Variants in SRBD1 observed in about 807,000 individuals in gnomAD.
The protein encoded by SRBD1 is S1 RNA-binding domain-containing protein 1.
SRBD1 carries 88 observed loss-of-function variants against 115.3 expected under a neutral mutation model. The observed-to-expected ratio is 0.76, with a 90% CI of 0.64 to 0.91. The LOEUF (loss-of-function observed/expected upper bound fraction) is 0.91, where lower values mean the gene tolerates loss of function less well. Ranked by LOEUF, SRBD1 falls within the 40% of genes least tolerant of loss-of-function variation. The pLI is 0.00. For missense variants in SRBD1, 1,385 were observed against 1,177.4 expected (o/e 1.18, Z -2.58); for synonymous variants, 509 against 407.7 (o/e 1.25, Z -2.99).
At chr2:45,522,175 C>A (rs1159411346) in intron 14 of SRBD1, among the ~76,000 whole-genome samples, 7 of 151,862 alleles carry the variant, frequency 4.6e-5, no homozygotes, top group African/African-American at 1.7e-4. Flanking sequence ...TAAAAAAATG[C>A]TCCAAAATCT....
Position 45,418,366 on chromosome 2 carries a change from T to G in SRBD1, c.2332A>C (p.Ser778Arg). The G allele has an allele frequency of 6.2e-7, 1 of 1,613,466 alleles. No individual in the cohort carries two copies. Among genetic ancestry groups the G allele is most frequent in the Non-Finnish European group, 8.5e-7 (1 of 1,179,714 alleles). ...ATCAAAGTGTATACTTATACTCACC[T>G]GCAAAACGTTCGGATATAATCCTGG... is the stretch of plus-strand genomic sequence containing the variant. ...INQDYIRTFCSQQTETSGQIQ... is the reference protein window; with the variant it reads ...INQDYIRTFCRQQTETSGQIQ... The change falls in exon 18 of 21, where the codon AGT (serine) becomes CGT (arginine). Residue 778 changes from serine to arginine, a missense_variant and splice_region_variant. Physicochemically the swap from Ser to Arg is moderately radical, Grantham distance 110 (BLOSUM62 -1). Transcript: ENST00000263736.
intron 16 of SRBD1, among the ~76,000 whole-genome samples, chr2:45,458,032 ATTAAT>A (rs1456242976): frequency 6.6e-6 from 1 of 152,090 alleles, no homozygotes; most frequent in Non-Finnish European, 1.5e-5. Context: ...TAAAATAAAA[ATTAAT>A]TTATGTAATG....
intron 12 of SRBD1, among the ~76,000 whole-genome samples, 195 bp downstream of exon 12, chr2:45,550,930 G>T (rs1314748958): frequency 1.3e-5 from 2 of 152,288 alleles, no homozygotes; most frequent in South Asian, 4.1e-4. Context: ...AATGATAGTT[G>T]TATATTGAGG....
intron 15 of SRBD1, among the ~76,000 whole-genome samples, chr2:45,485,376 T>C (rs1670086587): frequency 6.6e-6 from 1 of 152,242 alleles, no homozygotes; most frequent in Non-Finnish European, 1.5e-5. Context: ...GTTGTTGCTA[T>C]CTCCTTTCCC....
chr2:45,497,661 T>G (rs1344558266), intron 14 of SRBD1, among the ~76,000 whole-genome samples: 4 of 152,158 alleles, frequency 2.6e-5, no homozygotes, highest in Non-Finnish European at 4.4e-5. Flanking sequence ...AATTCACCCA[T>G]GTTAAGTGAA....
At chr2:45,550,315 T>A (rs1672256406) in intron 12 of SRBD1, among the ~76,000 whole-genome samples, 1 of 151,994 alleles carries the variant, frequency 6.6e-6, no homozygotes, top group Admixed American at 6.5e-5. Flanking sequence ...GTGGAATTCA[T>A]GCAGAAAAGA....
chr2:45,581,101 A>C (rs1450619617), intron 6 of SRBD1, among the ~76,000 whole-genome samples: 1 of 152,108 alleles, frequency 6.6e-6, no homozygotes, highest in Non-Finnish European at 1.5e-5. Context: ...ATTACCAAAT[A>C]TATATATTTT....
In SRBD1 at chr2:45,532,659, G is replaced by A. The variant is rs76509226; in HGVS notation, c.1874+14073C>T. Among the ~76,000 whole-genome samples the A allele has an allele frequency of 1.5e-4, 23 of 151,800 alleles. No homozygotes were observed. In the East Asian group the frequency reaches 2.5e-3, roughly 17 times the overall value. ...CTTCAAAATGCAAGTGCTATGAAGC[G>A]GAAAAGTAATGGGAATTAAACTGGG... On this transcript the variant is annotated intron_variant, in intron 14 of 20. Transcript: ENST00000263736.
intron 16 of SRBD1, among the ~76,000 whole-genome samples, chr2:45,426,021 G>A (rs573546819): frequency 7.2e-4 from 110 of 152,206 alleles, no homozygotes; most frequent in African/African-American, 2.6e-3. Flanking sequence ...TCCTGGAAAG[G>A]GGGCTGGAGC....
In SRBD1 at chr2:45,436,198, TCTAA is replaced by T. The variant is rs746817279; in HGVS notation, c.2050-16308_2050-16305del. Among the ~76,000 whole-genome samples the T allele has an allele frequency of 9.3e-5, 14 of 151,298 alleles. 1 individual carries two copies. The highest frequency in any genetic ancestry group is 1.5e-4 in the Non-Finnish European group (10 of 67,822). ...GCTGCAGAAAAAGCACTTGACAAAATCTAACTAACACTCATTCATGATAAAAATT... is the reference window on the plus strand; with the variant it reads ...GCTGCAGAAAAAGCACTTGACAAAATCTAACACTCATTCATGATAAAAATT... On this transcript the variant is annotated intron_variant, in intron 16 of 20. Transcript: ENST00000263736.
intron 14 of SRBD1, among the ~76,000 whole-genome samples, chr2:45,514,384 T>C (rs1334036003): frequency 2.6e-5 from 4 of 152,048 alleles, no homozygotes; most frequent in Admixed American, 1.3e-4. Flanking sequence ...AATGCAAATA[T>C]AGTTTCACAA....
intron 14 of SRBD1, among the ~76,000 whole-genome samples, chr2:45,529,514 A>G (rs1044135933): frequency 6.6e-6 from 1 of 151,944 alleles, no homozygotes; most frequent in Non-Finnish European, 1.5e-5. Context: ...GGGGTCCCTA[A>G]CACCCTTCCA....
intron 16 of SRBD1, among the ~76,000 whole-genome samples, chr2:45,430,121 C>T (rs910851041): frequency 2.0e-5 from 3 of 151,972 alleles, no homozygotes; most frequent in Non-Finnish European, 4.4e-5. Flanking sequence ...CAAACCACTG[C>T]GCAAGGAAAA....
intron 14 of SRBD1, among the ~76,000 whole-genome samples, chr2:45,498,710 CT>C (rs1397459730): frequency 1.3e-5 from 2 of 152,130 alleles, no homozygotes; most frequent in Non-Finnish European, 2.9e-5. Flanking sequence ...ATGAGGTCAA[CT>C]TTTTTGTCTC....
chr2:45,558,119 G>C (rs1003910613), intron 10 of SRBD1, among the ~76,000 whole-genome samples: 1 of 152,054 alleles, frequency 6.6e-6, no homozygotes, highest in South Asian at 2.1e-4. Flanking sequence ...ATTTTAGGGA[G>C]AATAAAAATT....
intron 16 of SRBD1, among the ~76,000 whole-genome samples, chr2:45,429,116 A>C (rs1668253143): frequency 6.6e-6 from 1 of 152,198 alleles, no homozygotes; most frequent in Non-Finnish European, 1.5e-5. Flanking sequence ...GAATCCCTGA[A>C]TAGACCAATA....
intron 4 of SRBD1, among the ~76,000 whole-genome samples, chr2:45,587,311 AGAT>A (rs1673579942): frequency 1.3e-5 from 2 of 148,780 alleles, no homozygotes; most frequent in South Asian, 2.1e-4. Flanking sequence ...TAATATTAAA[AGAT>A]GATTAATTAT....
intron 5 of SRBD1, among the ~76,000 whole-genome samples, chr2:45,582,314 G>T (rs1673389957): frequency 6.6e-6 from 1 of 152,132 alleles, no homozygotes; most frequent in South Asian, 2.1e-4. Flanking sequence ...AATACCGATG[G>T]AGCATCTTTG....
At position 45,468,137 on chromosome 2, in the gene SRBD1, A is replaced by G. The variant is rs550154685; in HGVS notation, c.2049+8856T>C. On this transcript the variant is annotated intron_variant, in intron 16 of 20. Coordinates refer to ENST00000263736, the MANE Select transcript of SRBD1 (RefSeq NM_018079.5). Reference sequence around the variant, plus strand: ...ATAATCTTACTATATATAGGTATTCATAAATCCTATATATTTCATATTTTT... The same window carrying G: ...ATAATCTTACTATATATAGGTATTCGTAAATCCTATATATTTCATATTTTT... Among the ~76,000 whole-genome samples, 94 of 152,216 alleles carry G rather than the reference A, an allele frequency of 6.2e-4. 1 individual carries two copies. Among genetic ancestry groups the G allele is most frequent in the African/African-American group, 2.2e-3 (93 of 41,554 alleles).
Sources: gnomAD v4.1 joint callset for allele counts (sites outside exome capture counted in the v4.1 genomes callset) on GRCh38, gnomAD v4.1.1 for gene constraint, MANE v1.5 for transcripts, NCBI Gene and HGNC (gene_info 2026-07-23, HGNC 2026-07-21) for gene names.